Variants in AOPEP observed in about 807,000 individuals in gnomAD.
AOPEP encodes aminopeptidase O.
A neutral mutation model predicts 98.1 loss-of-function variants in AOPEP; 77 were observed. The observed-to-expected ratio is 0.78, with a 90% CI of 0.65 to 0.95. The LOEUF (loss-of-function observed/expected upper bound fraction) is 0.95. AOPEP is among the 40% of genes least tolerant of loss of function. AOPEP has a pLI of 0.00. For missense variants in AOPEP, 1,024 were observed against 1,024.7 expected, an observed-to-expected ratio of 1.00 and a Z score of 0.01; for synonymous variants, 346 against 365.3, an observed-to-expected ratio of 0.95 and a Z score of 0.60.
intron 7 of AOPEP, 71 bp downstream of exon 7, chr9:94,928,602 C>A: frequency 2.9e-6 from 3 of 1,018,988 alleles, no homozygotes; most frequent in South Asian, 1.4e-5. Context: ...TCCCTGCCAA[C>A]TGATGACATC....
rs2055117033 is a variant in AOPEP at position 94,930,541 on chromosome 9, G to A, written c.1661+2010G>A. ...CACAGTGAAATCCTCAGGGAGAGAG[G>A]AAAGTGAGAGAAGAGGTCAGGAGGA... On this transcript the variant is annotated intron_variant, in intron 7 of 16. Transcript: ENST00000375315. The surrounding 1 kb of genome is among the most constrained non-coding windows in gnomAD (Gnocchi z 4.5). 6.6e-6 allele frequency among the ~76,000 whole-genome samples: 1 copy of A among 152,080 alleles called. No homozygotes were observed. Among genetic ancestry groups the A allele is most frequent in the Non-Finnish European group, 1.5e-5 (1 of 68,036 alleles).
intron 13 of AOPEP, among the ~76,000 whole-genome samples, chr9:95,043,691 T>A (rs1228823081): frequency 6.6e-6 from 1 of 152,160 alleles, no homozygotes; most frequent in Non-Finnish European, 1.5e-5. Context: ...TGAGACAGGA[T>A]CTCAGTTTGT....
intron 7 of AOPEP, chr9:94,931,918 TC>T: frequency 8.8e-7 from 1 of 1,137,834 alleles, no homozygotes; most frequent in Non-Finnish European, 1.2e-6. Context: ...GTTAACAGTC[TC>T]CACTTCAATA....
intron 16 of AOPEP, among the ~76,000 whole-genome samples, chr9:95,083,325 A>G (rs2070074178): frequency 1.3e-5 from 2 of 149,582 alleles, no homozygotes. Flanking sequence ...GACGCACCAC[A>G]CAGAGCACGC....
chr9:94,945,752 G>A (rs553641411), intron 7 of AOPEP, among the ~76,000 whole-genome samples: 7 of 152,210 alleles, frequency 4.6e-5, no homozygotes, highest in African/African-American at 1.7e-4. Context: ...TTCAAAACGG[G>A]CTTCGAGCCT....
chr9:95,069,244 C>T (rs1291558671), intron 14 of AOPEP, among the ~76,000 whole-genome samples: 1 of 152,160 alleles, frequency 6.6e-6, no homozygotes, highest in Non-Finnish European at 1.5e-5. Context: ...ATCCCTCAGA[C>T]TTGGGGAGGT....
chr9:95,113,109 T>G, the AOPEP span, among the ~76,000 whole-genome samples: 2 of 152,158 alleles, frequency 1.3e-5, no homozygotes, highest in Non-Finnish European at 2.9e-5. Context: ...GGAGGGTGTG[T>G]GGGGGGCCGA....
At chr9:94,988,905 T>C (rs1403880507) in intron 11 of AOPEP, among the ~76,000 whole-genome samples, 4 of 150,594 alleles carry the variant, frequency 2.7e-5, no homozygotes, top group Admixed American at 1.3e-4. Context: ...TAAGTTTCTT[T>C]TCCTTTCTTT....
At chr9:95,069,829 G>C (rs559447212) in intron 14 of AOPEP, among the ~76,000 whole-genome samples, 1 of 152,238 alleles carries the variant, frequency 6.6e-6, no homozygotes. Flanking sequence ...ACCAGTTAAG[G>C]TGTAGACAAG....
At chr9:95,061,380 C>G (rs1290393102) in intron 14 of AOPEP, among the ~76,000 whole-genome samples, 1 of 152,154 alleles carries the variant, frequency 6.6e-6, no homozygotes, top group Admixed American at 6.5e-5. Context: ...ATAATGTATT[C>G]AGACATCTTA....
the AOPEP span, among the ~76,000 whole-genome samples, chr9:95,093,871 C>T: frequency 6.6e-6 from 1 of 152,218 alleles, no homozygotes; most frequent in Non-Finnish European, 1.5e-5. Flanking sequence ...GCTAGATGGC[C>T]TCAGTGTAGC....
At chr9:95,017,721 G>A (rs1342504583) in intron 13 of AOPEP, among the ~76,000 whole-genome samples, 1 of 152,206 alleles carries the variant, frequency 6.6e-6, no homozygotes, top group African/African-American at 2.4e-5. Flanking sequence ...AATGCTTATA[G>A]TTGTGTACCT....
At chr9:94,928,143 A>C (rs1316464004) in intron 6 of AOPEP, among the ~76,000 whole-genome samples, 1 of 152,216 alleles carries the variant, frequency 6.6e-6, no homozygotes. Flanking sequence ...CACTCTCTCC[A>C]GACCAGGTGT....
At chr9:95,114,431 C>T in the AOPEP span, 1 of 670,776 alleles carries the variant, frequency 1.5e-6, no homozygotes, top group African/African-American at 1.8e-5. Flanking sequence ...CATGCGCATG[C>T]CTATTCATCC....
intron 13 of AOPEP, among the ~76,000 whole-genome samples, chr9:95,051,706 CTTT>C (rs35555702): frequency 7.0e-6 from 1 of 142,808 alleles, no homozygotes; most frequent in Non-Finnish European, 1.5e-5. Flanking sequence ...GTTTATGAAA[CTTT>C]TTTTTTTTTT....
intron 3 of AOPEP, among the ~76,000 whole-genome samples, chr9:94,780,422 C>T (rs356146): frequency 0.22 from 33,226 of 151,974 alleles, 5,102 homozygotes; most frequent in African/African-American, 0.43. Context: ...GATTTACTTA[C>T]GTTCACACCA....
At chr9:95,109,572 T>A in the AOPEP span, 1 of 152,232 alleles carries the variant, frequency 6.6e-6, no homozygotes, top group African/African-American at 2.4e-5. Context: ...GAACTCTGGC[T>A]GCTGGTGGAA....
intron 13 of AOPEP, chr9:95,056,341 G>C (rs2066818838): frequency 6.6e-6 from 1 of 152,448 alleles, no homozygotes; most frequent in African/African-American, 2.4e-5. Context: ...TTTCGGAGGG[G>C]TGCAGGCAAT....
At chr9:95,103,074 C>G in the AOPEP span, among the ~76,000 whole-genome samples, 2 of 152,112 alleles carry the variant, frequency 1.3e-5, no homozygotes, top group South Asian at 4.1e-4. Flanking sequence ...TGTCCTTCAT[C>G]AAGGAAACAA....
Sources: allele counts gnomAD v4.1 joint callset (sites outside exome capture counted in the v4.1 genomes callset), GRCh38; gene constraint gnomAD v4.1.1; non-coding constraint Gnocchi (gnomAD v3.1); transcripts MANE v1.5; gene names NCBI Gene and HGNC (gene_info 2026-07-23, HGNC 2026-07-21).